WDR26: variants seen among roughly 807,000 people sequenced by gnomAD.
The protein encoded by WDR26 is WD repeat domain 26.
In WDR26, 5 loss-of-function variants were observed where a neutral mutation model predicts 84.1. The observed-to-expected ratio is 0.06, with a 90% CI of 0.03 to 0.13. The LOEUF (loss-of-function observed/expected upper bound fraction) is 0.13, where lower values mean the gene tolerates loss of function less well. WDR26 is among the 10% of genes least tolerant of loss of function. WDR26 has a pLI of 1.00. For synonymous variants in WDR26, 415 were observed against 389.6 expected, an observed-to-expected ratio of 1.07 and a Z score of -0.77; for missense variants, 642 against 974.9, an observed-to-expected ratio of 0.66 and a Z score of 4.55.
At chr1:224,418,107 A>G (rs935524754) in intron 6 of WDR26, among the ~76,000 whole-genome samples, 153 bp downstream of exon 6, 1 of 152,218 alleles carries the variant, frequency 6.6e-6, no homozygotes, top group East Asian at 1.9e-4. Flanking sequence ...AATTTCTCAT[A>G]ATTTTCAATT....
intron 3 of WDR26, chr1:224,429,614 G>A (rs574973717): frequency 2.0e-5 from 3 of 152,298 alleles, no homozygotes; most frequent in South Asian, 2.1e-4. Flanking sequence ...TGCTTAAAGT[G>A]AGATAAAAGT....
rs1572228978 is a variant in WDR26 at position 224,434,492 on chromosome 1, G to T, written c.-87C>A. 2.5e-6 allele frequency: 1 copy of T among 402,110 alleles called. No homozygotes were observed. Among genetic ancestry groups the T allele is most frequent in the Non-Finnish European group, 3.3e-6 (1 of 306,414 alleles). 24.9% of individuals were successfully genotyped at this position (402,110 alleles called of 1,614,324 possible). A position where few individuals can be genotyped will look rare whatever the true frequency, so the allele number is the denominator to read the frequency against. On this transcript the variant is annotated 5_prime_UTR_variant, in exon 1 of 14. Coordinates refer to ENST00000414423, the MANE Select transcript of WDR26 (RefSeq NM_001379403.1). ...TGAGGGGGGCCGGGGAGGCGGGGAG[G>T]GGGTCAGGGTAGGAGGGTGAGGGTG...
chr1:224,391,197 T>C (rs1163271659), intron 13 of WDR26, among the ~76,000 whole-genome samples: 2 of 151,606 alleles, frequency 1.3e-5, no homozygotes, highest in Admixed American at 6.6e-5. Flanking sequence ...AAAAACCCCA[T>C]CTTTACTAAA....
intron 1 of WDR26, among the ~76,000 whole-genome samples, chr1:224,432,614 C>T (rs1674424149): frequency 6.6e-6 from 1 of 152,148 alleles, no homozygotes; most frequent in Non-Finnish European, 1.5e-5. Flanking sequence ...CTAAACAGTG[C>T]AATGATCTGC....
chr1:224,434,057 C>G lies in WDR26; in HGVS notation c.349G>C (p.Gly117Arg). The G allele has an allele frequency of 2.1e-6, 3 of 1,445,336 alleles. No homozygotes were observed. Among genetic ancestry groups the G allele is most frequent in the Non-Finnish European group, 2.7e-6 (3 of 1,104,088 alleles). The allele number at this position is 1,445,336 out of a possible 1,614,324, so 89.5% of individuals were successfully genotyped here. Residue 117 changes from glycine to arginine, a missense_variant, in exon 1 of 14, where the codon GGT (glycine) becomes CGT (arginine). Gly to Arg is a moderately radical substitution (Grantham distance 125). Transcript: ENST00000414423. The stretch of plus-strand genomic sequence containing the variant: ...CCCCCGCCGCCCCCTCCTCCTCCAC[C>G]GCCGCCGCCGCCACCTCCTCCTCCT...
At chr1:224,395,557 T>G (rs1210088441) in intron 12 of WDR26, among the ~76,000 whole-genome samples, 1 of 151,306 alleles carries the variant, frequency 6.6e-6, no homozygotes, top group African/African-American at 2.4e-5. Flanking sequence ...AAGTATCTGC[T>G]GCTCAATAAT....
intron 3 of WDR26, among the ~76,000 whole-genome samples, chr1:224,427,988 T>C (rs1674279172): frequency 6.6e-6 from 1 of 152,188 alleles, no homozygotes; most frequent in Non-Finnish European, 1.5e-5. Flanking sequence ...AAATAAACTC[T>C]CCTTTATGTC....
chr1:224,402,798 T>A (rs1275382236), intron 8 of WDR26, among the ~76,000 whole-genome samples: 1 of 152,138 alleles, frequency 6.6e-6, no homozygotes, highest in Non-Finnish European at 1.5e-5. Flanking sequence ...GCCACCTCCC[T>A]GAACCCAATC....
At chr1:224,392,635 A>T (rs1673159121) in intron 13 of WDR26, among the ~76,000 whole-genome samples, 1 of 152,140 alleles carries the variant, frequency 6.6e-6, no homozygotes. Flanking sequence ...TCAGGTAGTG[A>T]TCTATAAATA....
In WDR26 at chr1:224,431,511, A is replaced by G; in HGVS notation, c.893T>C (p.Leu298Pro). Residue 298 changes from leucine to proline, a missense_variant, in exon 3 of 14, where the codon CTT becomes CCT. Physicochemically the swap from Leu to Pro is moderately conservative, Grantham distance 98 (BLOSUM62 -3). Around this residue, in one of 2 missense-constraint regions of WDR26, gnomAD observed 351 missense variants for 672.8 expected, o/e 0.52. Coordinates refer to ENST00000414423, the MANE Select transcript of WDR26 (RefSeq NM_001379403.1). ...TCCCAACAACGTTTGAGAGATTTCA[A>G]GTGCGCCTCTTACCACAATAGCATG... 6.2e-7 allele frequency: 1 copy of G among 1,614,104 alleles called. No homozygotes were observed.
intron 7 of WDR26, among the ~76,000 whole-genome samples, chr1:224,409,965 A>G (rs1283623968): frequency 6.6e-6 from 1 of 152,056 alleles, no homozygotes; most frequent in Non-Finnish European, 1.5e-5. Context: ...AGCTAATAGC[A>G]TATTTTAATT....
At chr1:224,404,375 G>A in intron 8 of WDR26, 55 bp downstream of exon 8, 1 of 1,569,044 alleles carries the variant, frequency 6.4e-7, no homozygotes, top group Non-Finnish European at 8.7e-7. Context: ...TAATGAATAT[G>A]TACATTATGA....
intron 1 of WDR26, 83 bp downstream of exon 1, chr1:224,433,600 TC>T: frequency 3.5e-6 from 1 of 287,052 alleles, no homozygotes; most frequent in South Asian, 3.3e-5. Context: ...CAAGCCCCCC[TC>T]CCCCCTCCGC....
chr1:224,423,413 GT>G (rs1674120030), intron 4 of WDR26, among the ~76,000 whole-genome samples: 1 of 152,104 alleles, frequency 6.6e-6, no homozygotes, highest in African/African-American at 2.4e-5. Context: ...TCTATTCCTA[GT>G]TTGTTGAGTG....
rs185963646 is a variant in WDR26 at position 224,398,070 on chromosome 1, A to T, written c.2074+27T>A. Reference sequence around the variant, plus strand: ...GATTTACAGACTTTAATATCAACATATGTAAACTGATAAGGACACAATTTA... The same window carrying T: ...GATTTACAGACTTTAATATCAACATTTGTAAACTGATAAGGACACAATTTA... On this transcript the variant is annotated intron_variant, in intron 12 of 13. Transcript: ENST00000414423. 1.4e-3 allele frequency: 2,286 copies of T among 1,607,958 alleles called. 9 individuals carry two copies. The highest frequency in any genetic ancestry group is 9.9e-3 in the Middle Eastern group (60 of 6,048).
At chr1:224,428,816 G>A (rs976956006) in intron 3 of WDR26, among the ~76,000 whole-genome samples, 1 of 150,700 alleles carries the variant, frequency 6.6e-6, no homozygotes, top group Admixed American at 6.6e-5. Context: ...TGAGGCAGGA[G>A]AATCTCTTGA....
At chr1:224,415,691 G>A (rs1215803311) in intron 6 of WDR26, among the ~76,000 whole-genome samples, 1 of 151,966 alleles carries the variant, frequency 6.6e-6, no homozygotes, top group African/African-American at 2.4e-5. Flanking sequence ...TTGATCTCCC[G>A]ACCTCGTGAT....
intron 13 of WDR26, among the ~76,000 whole-genome samples, chr1:224,391,639 G>A (rs551793897): frequency 1.3e-5 from 2 of 152,258 alleles, no homozygotes; most frequent in South Asian, 4.1e-4. Context: ...GGATCCTCCT[G>A]CCTCAGCCTT....
chr1:224,393,465 A>G (rs1009238941), intron 13 of WDR26, among the ~76,000 whole-genome samples: 26 of 152,328 alleles, frequency 1.7e-4, no homozygotes, highest in African/African-American at 6.3e-4. Context: ...AAAGTTGTTA[A>G]TATTTTGTAT....
Sources: gnomAD v4.1 joint callset for allele counts (sites outside exome capture counted in the v4.1 genomes callset) on GRCh38, gnomAD v4.1.1 for gene constraint, gnomAD v4.1.1 regional missense constraint, MANE v1.5 for transcripts, NCBI Gene and HGNC (gene_info 2026-07-23, HGNC 2026-07-21) for gene names.